XKR9: variants seen among roughly 807,000 people sequenced by gnomAD.
XKR9 encodes XK related 9.
In XKR9, 32 loss-of-function variants were observed where a neutral mutation model predicts 32.0. The observed-to-expected ratio is 1.00, with a 90% CI of 0.76 to 1.34. The LOEUF (loss-of-function observed/expected upper bound fraction) is 1.34. Ranked by LOEUF, XKR9 falls within the 40% of genes most tolerant of loss-of-function variation. The pLI is 0.00. For synonymous variants in XKR9, 168 were observed against 143.4 expected (o/e 1.17, Z -1.22); for missense variants, 546 against 429.7 (o/e 1.27, Z -2.39).
At chr8:71,034,934 G>A in the XKR9 span, among the ~76,000 whole-genome samples, 2 of 152,006 alleles carry the variant, frequency 1.3e-5, no homozygotes, top group Non-Finnish European at 2.9e-5. Context: ...CTTTTTTACT[G>A]CTCAGTCTTT....
chr8:71,024,942 T>G, the XKR9 span, among the ~76,000 whole-genome samples: 1 of 152,240 alleles, frequency 6.6e-6, no homozygotes, highest in Non-Finnish European at 1.5e-5. Context: ...GTGCCTCTAT[T>G]CAGCCTTCTT....
chr8:70,803,536 T>G, the XKR9 span, among the ~76,000 whole-genome samples: 4 of 152,198 alleles, frequency 2.6e-5, no homozygotes, highest in African/African-American at 9.6e-5. Context: ...GTTGCCAGAG[T>G]TTTTGCACTG....
chr8:70,899,051 C>T, the XKR9 span, among the ~76,000 whole-genome samples: 1 of 152,156 alleles, frequency 6.6e-6, no homozygotes, highest in Admixed American at 6.5e-5. Context: ...ATAGCTGGGA[C>T]TAAAATTGTG....
the XKR9 span, among the ~76,000 whole-genome samples, chr8:71,046,291 A>C: frequency 5.3e-5 from 8 of 152,350 alleles, no homozygotes; most frequent in South Asian, 1.4e-3. Flanking sequence ...ATATGAGCCC[A>C]AGTCTGAAAG....
At chr8:70,787,611 C>G (rs894051463) in intron 2 of XKR9, among the ~76,000 whole-genome samples, 3 of 152,072 alleles carry the variant, frequency 2.0e-5, no homozygotes, top group African/African-American at 7.2e-5. Flanking sequence ...CTTTGTTAAT[C>G]TGGTTACTGA....
At chr8:70,970,367 G>T in the XKR9 span, among the ~76,000 whole-genome samples, 1 of 151,970 alleles carries the variant, frequency 6.6e-6, no homozygotes, top group African/African-American at 2.4e-5. Context: ...TGTGCAGAAG[G>T]TGCAGTTTTG....
the XKR9 span, among the ~76,000 whole-genome samples, chr8:70,946,793 A>G: frequency 6.6e-6 from 1 of 152,194 alleles, no homozygotes; most frequent in Non-Finnish European, 1.5e-5. Context: ...TTTGATTTAT[A>G]ACATTGCAAC....
the XKR9 span, among the ~76,000 whole-genome samples, chr8:70,860,450 ATATTCTTTTTGTT>A: frequency 6.6e-6 from 1 of 152,052 alleles, no homozygotes; most frequent in Non-Finnish European, 1.5e-5. Flanking sequence ...TATGAGAAAT[ATATTCTTTTTGTT>A]TATAAGCCAC....
chr8:70,925,253 A>T, the XKR9 span, among the ~76,000 whole-genome samples: 3 of 152,216 alleles, frequency 2.0e-5, no homozygotes, highest in Admixed American at 2.0e-4. Flanking sequence ...ACACTATGAC[A>T]TGTTAATCTA....
At chr8:70,906,800 C>T in the XKR9 span, among the ~76,000 whole-genome samples, 20 of 152,116 alleles carry the variant, frequency 1.3e-4, no homozygotes, top group African/African-American at 4.6e-4. Flanking sequence ...ATGATGTGTC[C>T]TTTTCTACAA....
the XKR9 span, among the ~76,000 whole-genome samples, chr8:70,933,979 GA>G: frequency 6.6e-6 from 1 of 151,762 alleles, no homozygotes; most frequent in Non-Finnish European, 1.5e-5. Flanking sequence ...CCAAATCTCA[GA>G]AAAGTTAAAC....
chr8:70,944,559 T>C, the XKR9 span, among the ~76,000 whole-genome samples: 1 of 152,310 alleles, frequency 6.6e-6, no homozygotes, highest in East Asian at 1.9e-4. Flanking sequence ...CTGATCCCCA[T>C]GAGTCTCAGC....
chr8:70,759,466 G>A (rs1807276781), intron 2 of XKR9, among the ~76,000 whole-genome samples: 1 of 152,126 alleles, frequency 6.6e-6, no homozygotes, highest in South Asian at 2.1e-4. Flanking sequence ...AGATAGGTTT[G>A]GAAATAATCT....
At chr8:70,997,312 A>AC in the XKR9 span, among the ~76,000 whole-genome samples, 1 of 151,978 alleles carries the variant, frequency 6.6e-6, no homozygotes, top group East Asian at 1.9e-4. Context: ...AAACAAACAA[A>AC]AAAAAAACCA....
At chr8:70,741,611 A>C (rs748673935) in intron 2 of XKR9, among the ~76,000 whole-genome samples, 5 of 152,166 alleles carry the variant, frequency 3.3e-5, no homozygotes, top group African/African-American at 1.2e-4. Context: ...TTTTATATGT[A>C]TGCCACATTT....
At chr8:71,041,246 A>G in the XKR9 span, among the ~76,000 whole-genome samples, 1 of 152,294 alleles carries the variant, frequency 6.6e-6, no homozygotes, top group South Asian at 2.1e-4. Flanking sequence ...TGATTTCTGA[A>G]AATTCTGCTT....
At chr8:70,826,290 G>T in the XKR9 span, among the ~76,000 whole-genome samples, 1 of 152,062 alleles carries the variant, frequency 6.6e-6, no homozygotes, top group African/African-American at 2.4e-5. Context: ...TCAGTTTGTG[G>T]CATATCAGAA....
chr8:70,890,598 AC>A, the XKR9 span, among the ~76,000 whole-genome samples: 1 of 152,034 alleles, frequency 6.6e-6, no homozygotes, highest in Non-Finnish European at 1.5e-5. Context: ...GATAGGAAGT[AC>A]CATGTTTATT....
chr8:70,689,086 G>T (rs1018253579), intron 3 of XKR9, among the ~76,000 whole-genome samples: 1 of 152,000 alleles, frequency 6.6e-6, no homozygotes, highest in African/African-American at 2.4e-5. Context: ...CATTAACAGG[G>T]AAAAAGAATT....
Sources: gnomAD v4.1 joint callset for allele counts (sites outside exome capture counted in the v4.1 genomes callset) on GRCh38, gnomAD v4.1.1 for gene constraint, MANE v1.5 for transcripts, NCBI Gene and HGNC (gene_info 2026-07-23, HGNC 2026-07-21) for gene names.